The following MBOAT1 variants were observed in gnomAD, a reference collection of about 807,000 sequenced individuals.
The protein encoded by MBOAT1 is membrane bound glycerophospholipid O-acyltransferase 1, also known as membrane-bound glycerophospholipid O-acyltransferase 1.
Under a neutral mutation model 64.4 loss-of-function variants are expected in MBOAT1, and 67 were observed. That is an observed-to-expected ratio of 1.04 (90% confidence interval 0.85 to 1.27). The LOEUF (loss-of-function observed/expected upper bound fraction) is 1.27. MBOAT1 is among the 50% of genes most tolerant of loss of function. The pLI is 0.00. For missense variants in MBOAT1, 563 were observed against 604.6 expected (o/e 0.93, Z 0.72); for synonymous variants, 229 against 218.9 (o/e 1.05, Z -0.41).
At chr6:20,102,770 C>T (rs1054978835) in intron 12 of MBOAT1, among the ~76,000 whole-genome samples, 2 of 152,218 alleles carry the variant, frequency 1.3e-5, no homozygotes, top group Non-Finnish European at 2.9e-5. Flanking sequence ...AAACCCAATA[C>T]TGTCATATGA....
intron 1 of MBOAT1, among the ~76,000 whole-genome samples, chr6:20,206,325 C>T (rs1003086319): frequency 2.0e-5 from 3 of 152,152 alleles, no homozygotes; most frequent in African/African-American, 4.8e-5. Flanking sequence ...AGGCTTGTGC[C>T]ACCACACCTG....
chr6:20,159,124 G>T (rs1163695383), intron 1 of MBOAT1, among the ~76,000 whole-genome samples: 1 of 152,080 alleles, frequency 6.6e-6, no homozygotes, highest in Admixed American at 6.5e-5. Flanking sequence ...GCACTCCCAT[G>T]CTCACTGCAA....
At chr6:20,193,424 C>T (rs1241828859) in intron 1 of MBOAT1, among the ~76,000 whole-genome samples, 1 of 152,052 alleles carries the variant, frequency 6.6e-6, no homozygotes, top group Admixed American at 6.6e-5. Flanking sequence ...AATAGTATTT[C>T]CAAGGTCGGA....
At chr6:20,146,485 C>G (rs1243188588) in intron 3 of MBOAT1, among the ~76,000 whole-genome samples, 6 of 152,182 alleles carry the variant, frequency 3.9e-5, no homozygotes, top group Non-Finnish European at 8.8e-5. Context: ...AGATGGTCAA[C>G]AATGCAAATG....
chr6:20,168,528 AAGAGGAGAGG>A (rs748574504), intron 1 of MBOAT1, among the ~76,000 whole-genome samples: 1 of 69,650 alleles, frequency 1.4e-5, no homozygotes, highest in South Asian at 5.3e-4. Context: ...GAGAGGAGAG[AAGAGGAGAGG>A]AGAGGAGAGG....
intron 3 of MBOAT1, among the ~76,000 whole-genome samples, chr6:20,149,050 G>A (rs1761412207): frequency 1.4e-5 from 2 of 147,784 alleles, no homozygotes; most frequent in East Asian, 2.0e-4. Context: ...GCAGTAAGCC[G>A]AGATCACATC....
At chr6:20,144,414 G>A in intron 3 of MBOAT1, 99 bp from the exon 4 acceptor site, 1 of 791,334 alleles carries the variant, frequency 1.3e-6, no homozygotes, top group Non-Finnish European at 2.1e-6. Context: ...ACGTGCAGTT[G>A]GTCACAATGT....
intron 1 of MBOAT1, among the ~76,000 whole-genome samples, chr6:20,177,618 C>T (rs1310064151): frequency 6.6e-6 from 1 of 151,882 alleles, no homozygotes; most frequent in Non-Finnish European, 1.5e-5. Flanking sequence ...CTAAAAAATA[C>T]AAAAAATTAG....
intron 4 of MBOAT1, among the ~76,000 whole-genome samples, chr6:20,139,022 T>C (rs1761087513): frequency 6.6e-6 from 1 of 152,166 alleles, no homozygotes; most frequent in African/African-American, 2.4e-5. Flanking sequence ...CCTGTATGCA[T>C]GTGTGTGAGT....
chr6:20,124,346 C>T, intron 8 of MBOAT1, 62 bp downstream of exon 8: 1 of 1,542,376 alleles, frequency 6.5e-7, no homozygotes, highest in Non-Finnish European at 8.8e-7. Flanking sequence ...GTCGTTCTGG[C>T]TAAGCCATTC....
intron 1 of MBOAT1, among the ~76,000 whole-genome samples, chr6:20,198,130 A>G (rs1018010371): frequency 2.0e-5 from 3 of 151,718 alleles, no homozygotes; most frequent in Admixed American, 6.6e-5. Context: ...TGGGAGGTTG[A>G]GGCAGGAGAA....
intron 11 of MBOAT1, 116 bp from the exon 12 acceptor site, chr6:20,109,865 A>C (rs2113628494): frequency 1.1e-6 from 1 of 891,136 alleles, no homozygotes. Flanking sequence ...GATAACCAAC[A>C]TCTGAGTTGT....
At chr6:20,152,347 AAAT>A (rs1192626685) in intron 2 of MBOAT1, among the ~76,000 whole-genome samples, 81 of 36,644 alleles carry the variant, frequency 2.2e-3, no homozygotes, top group African/African-American at 5.1e-3. Context: ...AATAAAAAAT[AAAT>A]AAATAAATAA....
chr6:20,108,001 G>A (rs910378423), intron 12 of MBOAT1, among the ~76,000 whole-genome samples: 3 of 152,204 alleles, frequency 2.0e-5, no homozygotes, highest in Admixed American at 6.5e-5. Context: ...AATTGGAGCC[G>A]GAAGCATGTG....
At chr6:20,193,665 G>A (rs1762872277) in intron 1 of MBOAT1, among the ~76,000 whole-genome samples, 2 of 148,762 alleles carry the variant, frequency 1.3e-5, no homozygotes. Flanking sequence ...GGAGTGCAGT[G>A]GCACAATCTC....
chr6:20,101,908 G>A lies in MBOAT1; in HGVS notation c.*378C>T, dbSNP rs940244173. ...AGGCGGGCGGATCACGAGGTCAGGAGATCGAGACCATCCCGGCTAAAACGG... is the reference window on the plus strand; with the variant it reads ...AGGCGGGCGGATCACGAGGTCAGGAAATCGAGACCATCCCGGCTAAAACGG... On this transcript the variant is annotated 3_prime_UTR_variant, in exon 13 of 13. Coordinates refer to ENST00000324607, the MANE Select transcript of MBOAT1 (RefSeq NM_001080480.3). Among the ~76,000 whole-genome samples the A allele has an allele frequency of 6.6e-5, 10 of 151,798 alleles. No individual in the cohort carries two copies. The highest frequency in any genetic ancestry group is 1.0e-4 in the Non-Finnish European group (7 of 67,922).
Position 20,118,498 on chromosome 6 carries a change from A to T in MBOAT1, c.950T>A (p.Val317Glu). 6.2e-7 allele frequency: 1 copy of T among 1,613,928 alleles called. No homozygotes were observed. Among genetic ancestry groups the T allele is most frequent in the East Asian group, 2.2e-5 (1 of 44,876 alleles). ...NNAAGFGFSG[V>E]DKNGNFCWDL... ...CCAACAGAAATTCCCATTCTTATCC[A>T]CTCCGCTGAACCCAAAGCCAGCTGC... is the stretch of plus-strand genomic sequence containing the variant. The change falls in exon 9 of 13, where the codon GTG (valine) becomes GAG (glutamate). Residue 317 changes from valine to glutamate, a missense_variant. By Grantham distance (121) the Val-to-Glu change is moderately radical (BLOSUM62 -2). Transcript: ENST00000324607.
At chr6:20,158,167 G>GAAAAAAAAAAAAAAAAAAAAA (rs70990012) in intron 1 of MBOAT1, among the ~76,000 whole-genome samples, 1 of 135,560 alleles carries the variant, frequency 7.4e-6, no homozygotes, top group Non-Finnish European at 1.6e-5. Context: ...AAAAAAAAAA[G>GAAAAAAAAAAAAAAAAAAAAA]AAAAAAAAAA....
Position 20,171,172 on chromosome 6 carries a change from G to C in MBOAT1, c.100-18403C>G, listed in dbSNP as rs990559705. Among the ~76,000 whole-genome samples, 5 of 152,236 alleles carry C rather than the reference G, an allele frequency of 3.3e-5. No homozygotes were observed. In the East Asian group the frequency reaches 9.7e-4, roughly 29 times the overall value. On this transcript the variant is annotated intron_variant, in intron 1 of 12. Coordinates refer to ENST00000324607, the MANE Select transcript of MBOAT1 (RefSeq NM_001080480.3). ...ACTGAAAGGCTGATGTGTAAGAATGGAATGTTTTAGAGCTATAGGTGACTT... is the reference window on the plus strand; with the variant it reads ...ACTGAAAGGCTGATGTGTAAGAATGCAATGTTTTAGAGCTATAGGTGACTT...
Sources: allele counts gnomAD v4.1 joint callset (sites outside exome capture counted in the v4.1 genomes callset), GRCh38; gene constraint gnomAD v4.1.1; transcripts MANE v1.5; gene names NCBI Gene and HGNC (gene_info 2026-07-23, HGNC 2026-07-21).